GAL3ST2: variants seen among roughly 807,000 people sequenced by gnomAD.
GAL3ST2 encodes the protein beta-galactose-3-O-sulfotransferase 2.
A neutral mutation model predicts 12.9 loss-of-function variants in GAL3ST2; 16 were observed. The observed-to-expected ratio is 1.24, with a 90% CI of 0.84 to 1.88. GAL3ST2 has a LOEUF of 1.88. Ranked by LOEUF, GAL3ST2 falls within the 40% of genes most tolerant of loss-of-function variation. The probability of loss-of-function intolerance (pLI) is 0.00; values close to 1 mark genes in which losing one functional copy is unlikely to be tolerated. For missense variants in GAL3ST2, 639 were observed against 571.8 expected, an observed-to-expected ratio of 1.12 and a Z score of -1.20; for synonymous variants, 302 against 273.9, an observed-to-expected ratio of 1.10 and a Z score of -1.01.
intron 1 of GAL3ST2, among the ~76,000 whole-genome samples, chr2:241,780,588 A>G (rs929923492): frequency 1.3e-5 from 2 of 152,214 alleles, no homozygotes; most frequent in African/African-American, 2.4e-5. Context: ...TACTAAAGAC[A>G]AGTCATGGTA....
intron 1 of GAL3ST2, among the ~76,000 whole-genome samples, chr2:241,777,892 G>T (rs1464918001): frequency 6.6e-6 from 1 of 152,204 alleles, no homozygotes; most frequent in Non-Finnish European, 1.5e-5. Context: ...GCCCCCCGAG[G>T]TCGGCCAGGG....
At chr2:241,794,901 T>C (rs996608366) in intron 1 of GAL3ST2, among the ~76,000 whole-genome samples, 1 of 152,232 alleles carries the variant, frequency 6.6e-6, no homozygotes, top group African/African-American at 2.4e-5. Context: ...AGCTGAACTC[T>C]TGAACATTTT....
intron 1 of GAL3ST2, among the ~76,000 whole-genome samples, chr2:241,798,148 C>T (rs1699796413): frequency 1.3e-5 from 2 of 152,300 alleles, no homozygotes; most frequent in South Asian, 2.1e-4. Flanking sequence ...TCAGGCCTTA[C>T]CCAGATCTGC....
chr2:241,786,151 G>T (rs182463485), intron 1 of GAL3ST2, among the ~76,000 whole-genome samples: 3 of 151,780 alleles, frequency 2.0e-5, no homozygotes, highest in Non-Finnish European at 4.4e-5. Flanking sequence ...GTGTGTGTGT[G>T]TGTGTGTGTG....
At chr2:241,778,766 C>A (rs146422381) in intron 1 of GAL3ST2, among the ~76,000 whole-genome samples, 1 of 152,024 alleles carries the variant, frequency 6.6e-6, no homozygotes, top group African/African-American at 2.4e-5. Flanking sequence ...GACATCAGTC[C>A]GCATATGCAG....
chr2:241,780,528 A>G (rs1699553874), intron 1 of GAL3ST2, among the ~76,000 whole-genome samples: 1 of 152,200 alleles, frequency 6.6e-6, no homozygotes, highest in Admixed American at 6.5e-5. Flanking sequence ...AAAAAACAAA[A>G]TGACAACAAA....
chr2:241,776,910 G>A lies in GAL3ST2; in HGVS notation c.-46G>A. The A allele has an allele frequency of 2.1e-6, 3 of 1,448,844 alleles. No homozygotes were observed. Among genetic ancestry groups the A allele is most frequent in the African/African-American group, 1.4e-5 (1 of 69,148 alleles). The allele number at this position is 1,448,844 out of a possible 1,614,324, so 89.7% of individuals were successfully genotyped here. A position where few individuals can be genotyped will look rare whatever the true frequency, so the allele number is the denominator to read the frequency against. ...GGGGCCGAGGCGGTGGGACCTCGGG[G>A]GAGCTCAAGCCTCGACTGTCCCCTC... On this transcript the variant is annotated 5_prime_UTR_variant, in exon 1 of 4. Transcript: ENST00000192314.
intron 1 of GAL3ST2, among the ~76,000 whole-genome samples, chr2:241,777,792 C>T (rs1699511235): frequency 2.0e-5 from 3 of 152,072 alleles, no homozygotes; most frequent in Admixed American, 6.5e-5. Context: ...GACATTGTGA[C>T]CATATTGTGA....
intron 1 of GAL3ST2, 91 bp downstream of exon 1, chr2:241,777,075 T>G: frequency 8.9e-7 from 1 of 1,127,004 alleles, no homozygotes; most frequent in East Asian, 3.0e-5. Context: ...TGTTTGTCTT[T>G]CGAAGGAAGT....
At chr2:241,780,938 C>T (rs538658027) in intron 1 of GAL3ST2, among the ~76,000 whole-genome samples, 6 of 152,276 alleles carry the variant, frequency 3.9e-5, no homozygotes, top group South Asian at 2.1e-4. Context: ...TTATTGGGTC[C>T]GTAAGTCAAG....
chr2:241,776,857 C>T lies in GAL3ST2; in HGVS notation c.-99C>T, dbSNP rs1699493930. The T allele has an allele frequency of 5.5e-6, 6 of 1,100,398 alleles. No individual in the cohort carries two copies. In the East Asian group the frequency reaches 1.9e-4, roughly 35 times the overall value. 68.2% of individuals were successfully genotyped at this position (1,100,398 alleles called of 1,614,324 possible). On this transcript the variant is annotated 5_prime_UTR_variant, in exon 1 of 4. Coordinates refer to ENST00000192314, the MANE Select transcript of GAL3ST2 (RefSeq NM_022134.3). ...CCCCACAGCCGCACCCTGCCTGTGC[C>T]TGCACCCTGGGGAGCCCAGAGCCGG... is the stretch of plus-strand genomic sequence containing the variant.
chr2:241,796,468 G>C (rs1180609533), intron 1 of GAL3ST2, among the ~76,000 whole-genome samples: 1 of 151,878 alleles, frequency 6.6e-6, no homozygotes, highest in Non-Finnish European at 1.5e-5. Flanking sequence ...CGGCCACGGA[G>C]CTGATGGTCG....
At chr2:241,789,387 T>C (rs543018625) in intron 1 of GAL3ST2, among the ~76,000 whole-genome samples, 1 of 152,380 alleles carries the variant, frequency 6.6e-6, no homozygotes, top group East Asian at 1.9e-4. Flanking sequence ...TTAAATCTGC[T>C]TTAGTTTCCC....
In GAL3ST2 at chr2:241,776,880, C is replaced by A. The variant is rs1025575620; in HGVS notation, c.-76C>A. ...GCCTGCACCCTGGGGAGCCCAGAGC[C>A]GGCAGGGGCCGAGGCGGTGGGACCT... On this transcript the variant is annotated 5_prime_UTR_variant, in exon 1 of 4. Coordinates refer to ENST00000192314, the MANE Select transcript of GAL3ST2 (RefSeq NM_022134.3). 2.3e-6 allele frequency: 3 copies of A among 1,301,676 alleles called. No individual in the cohort carries two copies. In the South Asian group the frequency reaches 6.0e-5, roughly 26 times the overall value. The allele number at this position is 1,301,676 out of a possible 1,614,324, so 80.6% of individuals were successfully genotyped here. A position where few individuals can be genotyped will look rare whatever the true frequency, so the allele number is the denominator to read the frequency against.
intron 1 of GAL3ST2, among the ~76,000 whole-genome samples, chr2:241,786,700 C>T (rs992073319): frequency 6.6e-6 from 1 of 152,134 alleles, no homozygotes; most frequent in African/African-American, 2.4e-5. Context: ...GGGGTGCTCC[C>T]AGACCTCAGC....
chr2:241,777,815 G>A (rs893792319), intron 1 of GAL3ST2, among the ~76,000 whole-genome samples: 1 of 152,122 alleles, frequency 6.6e-6, no homozygotes, highest in African/African-American at 2.4e-5. Context: ...AAGAGGCCCA[G>A]GGGCTGGGGA....
intron 1 of GAL3ST2, among the ~76,000 whole-genome samples, chr2:241,798,558 A>G (rs1052984492): frequency 6.6e-6 from 1 of 151,316 alleles, no homozygotes; most frequent in African/African-American, 2.4e-5. Flanking sequence ...ACCTCATCCA[A>G]CCCTAACACC....
chr2:241,778,973 C>T (rs1381884802), intron 1 of GAL3ST2, among the ~76,000 whole-genome samples: 1 of 152,082 alleles, frequency 6.6e-6, no homozygotes, highest in African/African-American at 2.4e-5. Context: ...ACTTTGAATA[C>T]AATGGGGGGC....
chr2:241,802,097 G>A lies in GAL3ST2; in HGVS notation c.375+61G>A, dbSNP rs1305736071. On this transcript the variant is annotated intron_variant, in intron 3 of 3. Transcript: ENST00000192314. The surrounding 1 kb of genome is among the most constrained non-coding windows in gnomAD (Gnocchi z 4.8). ...AGCCGTGCCTGTGGCTGTGGGTCTG[G>A]GTGGTGTAGCCTGGAGGCTGGAGAG... is the stretch of plus-strand genomic sequence containing the variant. The A allele has an allele frequency of 5.9e-6, 9 of 1,536,650 alleles. No homozygotes were observed. Among genetic ancestry groups the A allele is most frequent in the Non-Finnish European group, 7.9e-6 (9 of 1,139,534 alleles).
Sources: allele counts gnomAD v4.1 joint callset (sites outside exome capture counted in the v4.1 genomes callset), GRCh38; gene constraint gnomAD v4.1.1; non-coding constraint Gnocchi (gnomAD v3.1); transcripts MANE v1.5; gene names NCBI Gene and HGNC (gene_info 2026-07-23, HGNC 2026-07-21).